DCTD: variants seen among roughly 807,000 people sequenced by gnomAD.
DCTD encodes dCMP deaminase.
DCTD carries 23 observed loss-of-function variants against 21.0 expected under a neutral mutation model. That is an observed-to-expected ratio of 1.09 (90% CI 0.79 to 1.55). The LOEUF is 1.55. DCTD is among the 40% of genes most tolerant of loss of function. The pLI, the probability that DCTD is intolerant of heterozygous loss-of-function variation, is 0.00. For synonymous variants in DCTD, 71 were observed against 81.1 expected (o/e 0.88, Z 0.67); for missense variants, 224 against 230.0 (o/e 0.97, Z 0.17).
At position 182,893,023 on chromosome 4, in the gene DCTD, C is replaced by T. The variant is rs765421719; in HGVS notation, c.458+8G>A. 4 of 1,592,316 alleles carry T rather than the reference C, an allele frequency of 2.5e-6. No homozygotes were observed. Among genetic ancestry groups the T allele is most frequent in the South Asian group, 1.1e-5 (1 of 90,260 alleles). ...CCCCGTCCCCCCGCCCGCATTCTCC[C>T]CACTTACCGGAATGTCACCCCGGCC... On this transcript the variant is annotated splice_region_variant and intron_variant, in intron 5 of 5. Transcript: ENST00000438320.
chr4:182,895,617 A>C (rs910801963), intron 3 of DCTD, among the ~76,000 whole-genome samples: 1 of 152,158 alleles, frequency 6.6e-6, no homozygotes, highest in Non-Finnish European at 1.5e-5. Flanking sequence ...AGGGGGAATG[A>C]GTGGTGCCCA....
intron 3 of DCTD, among the ~76,000 whole-genome samples, chr4:182,900,164 A>T (rs1048805890): frequency 6.6e-6 from 1 of 152,144 alleles, no homozygotes; most frequent in African/African-American, 2.4e-5. Context: ...AAAATAAAAA[A>T]ACTTAGCCAG....
At chr4:182,914,164 C>T (rs763939362) in intron 3 of DCTD, among the ~76,000 whole-genome samples, 9 of 152,296 alleles carry the variant, frequency 5.9e-5, no homozygotes, top group East Asian at 1.9e-4. Flanking sequence ...CCTGCCACCA[C>T]GCACAGCTAA....
intron 1 of DCTD, chr4:182,916,644 A>G: frequency 2.0e-6 from 2 of 1,004,664 alleles, no homozygotes; most frequent in Non-Finnish European, 2.4e-6. Flanking sequence ...ACAGGAAAAG[A>G]CAGGTGCTGA....
chr4:182,915,138 G>A (rs557249272), intron 2 of DCTD, 80 bp from the exon 3 acceptor site: 2 of 1,568,680 alleles, frequency 1.3e-6, no homozygotes, highest in East Asian at 2.2e-5. Context: ...AAAACCAGGG[G>A]GACTGCAGAA....
chr4:182,898,980 C>T (rs1354837583), intron 3 of DCTD, among the ~76,000 whole-genome samples: 2 of 152,192 alleles, frequency 1.3e-5, no homozygotes, highest in African/African-American at 4.8e-5. Flanking sequence ...AGGTTAAATA[C>T]TATTCCTAAA....
chr4:182,902,579 AGAGCCCTGTCCCCCACCCAG>A, intron 3 of DCTD, among the ~76,000 whole-genome samples: 1 of 152,354 alleles, frequency 6.6e-6, no homozygotes, highest in East Asian at 1.9e-4. Flanking sequence ...CTGCTCAGAC[AGAGCCCTGTCCCCCACCCAG>A]GGGAGCAGCC....
chr4:182,909,853 A>T (rs1369201200), intron 3 of DCTD, among the ~76,000 whole-genome samples: 2 of 152,240 alleles, frequency 1.3e-5, no homozygotes, highest in Admixed American at 6.5e-5. Flanking sequence ...ACAATATGCT[A>T]AGTCTGAAAA....
chr4:182,908,490 T>C (rs1487747529), intron 3 of DCTD, among the ~76,000 whole-genome samples: 2 of 152,030 alleles, frequency 1.3e-5, no homozygotes, highest in African/African-American at 2.4e-5. Flanking sequence ...GAGACCAGCC[T>C]GGCCAACATG....
At chr4:182,904,887 C>T (rs1376373448) in intron 3 of DCTD, among the ~76,000 whole-genome samples, 1 of 152,184 alleles carries the variant, frequency 6.6e-6, no homozygotes. Context: ...AGAGACCGAT[C>T]CTCACAGCCT....
chr4:182,891,302 G>T lies in DCTD; in HGVS notation c.*97C>A. On this transcript the variant is annotated 3_prime_UTR_variant, in exon 6 of 6. Coordinates refer to ENST00000438320, the MANE Select transcript of DCTD (RefSeq NM_001921.3). The stretch of plus-strand genomic sequence containing the variant: ...TTAGATGCCTACTTTTGCCATACTG[G>T]CTAGTAAGAAGTTATGTGTAACTTC... 1.2e-6 allele frequency: 1 copy of T among 825,460 alleles called. No individual in the cohort carries two copies. The highest frequency in any genetic ancestry group is 2.1e-6 in the Non-Finnish European group (1 of 479,134). The allele number at this position is 825,460 out of a possible 1,614,324, so 51.1% of individuals were successfully genotyped here. A position where few individuals can be genotyped will look rare whatever the true frequency, so the allele number is the denominator to read the frequency against.
chr4:182,915,107 GC>G (rs1481710233), intron 2 of DCTD, 49 bp from the exon 3 acceptor site: 1 of 1,612,974 alleles, frequency 6.2e-7, no homozygotes, highest in Non-Finnish European at 8.5e-7. Context: ...TGGCTGGTCT[GC>G]CGCTGTGGAA....
At position 182,891,415 on chromosome 4, in the gene DCTD, C is replaced by T; in HGVS notation, c.521G>A (p.Ser174Asn). 6.2e-7 allele frequency: 1 copy of T among 1,610,808 alleles called. No individual in the cohort carries two copies. The highest frequency in any genetic ancestry group is 8.5e-7 in the Non-Finnish European group (1 of 1,177,040). The change falls in exon 6 of 6, where the codon AGT (serine) becomes AAT (asparagine). Residue 174 changes from serine to asparagine, a missense_variant. Ser to Asn is a conservative substitution (Grantham distance 46). Coordinates refer to ENST00000438320, the MANE Select transcript of DCTD (RefSeq NM_001921.3). ...AGATGTAACTCACTGAAGCTTTTGA[C>T]TCGGTCTGCTGTTAATTGAATCAAA... ...IDFDSINSRP[S>N]QKLQ
intron 3 of DCTD, among the ~76,000 whole-genome samples, chr4:182,897,263 CAA>C (rs1579680410): frequency 1.3e-5 from 2 of 151,558 alleles, no homozygotes; most frequent in African/African-American, 4.8e-5. Flanking sequence ...CAAAAAATCA[CAA>C]GATGAAGAAT....
At chr4:182,913,507 G>C (rs1324597268) in intron 3 of DCTD, among the ~76,000 whole-genome samples, 1 of 152,188 alleles carries the variant, frequency 6.6e-6, no homozygotes, top group East Asian at 1.9e-4. Context: ...TTGAGGTCCA[G>C]GAACATTAGT....
At chr4:182,912,736 G>C (rs544569900) in intron 3 of DCTD, among the ~76,000 whole-genome samples, 18 of 152,264 alleles carry the variant, frequency 1.2e-4, no homozygotes, top group Admixed American at 1.0e-3. Flanking sequence ...CTGGGGTGTG[G>C]GGCAGGTGCT....
At chr4:182,899,331 T>C (rs759632802) in intron 3 of DCTD, among the ~76,000 whole-genome samples, 2 of 152,204 alleles carry the variant, frequency 1.3e-5, no homozygotes, top group Admixed American at 6.5e-5. Flanking sequence ...TTTCCTGCCT[T>C]TGTGGGCACT....
At chr4:182,911,211 T>C (rs1737608624) in intron 3 of DCTD, 1 of 152,204 alleles carries the variant, frequency 6.6e-6, no homozygotes, top group South Asian at 2.1e-4. Context: ...AAAGAGTAAC[T>C]GAGCTCCCTG....
intron 3 of DCTD, among the ~76,000 whole-genome samples, chr4:182,899,267 C>T (rs558531037): frequency 2.8e-4 from 43 of 152,316 alleles, no homozygotes; most frequent in Middle Eastern, 3.4e-3. Context: ...CCTCTCAGGA[C>T]CACCATACAC....
Sources: allele counts gnomAD v4.1 joint callset (sites outside exome capture counted in the v4.1 genomes callset), GRCh38; gene constraint gnomAD v4.1.1; transcripts MANE v1.5; gene names NCBI Gene and HGNC (gene_info 2026-07-23, HGNC 2026-07-21).